Variants in VPS45 observed in about 807,000 individuals in gnomAD.
VPS45 encodes vacuolar protein sorting-associated protein 45.
In VPS45, 35 loss-of-function variants were observed where a neutral mutation model predicts 75.9. The observed-to-expected ratio is 0.46, with a 90% CI of 0.35 to 0.61. VPS45 has a LOEUF of 0.61. VPS45 is among the 20% of genes least tolerant of loss of function. VPS45 has a pLI of 0.00. For synonymous variants in VPS45, 220 were observed against 238.2 expected, an observed-to-expected ratio of 0.92 and a Z score of 0.70; for missense variants, 559 against 685.9, an observed-to-expected ratio of 0.81 and a Z score of 2.07.
chr1:150,138,023 TTC>T (rs782270332), intron 14 of VPS45, among the ~76,000 whole-genome samples: 1 of 152,128 alleles, frequency 6.6e-6, no homozygotes, highest in Non-Finnish European at 1.5e-5. Context: ...CATTTCTGTG[TTC>T]TCTTTCATGG....
At chr1:150,124,505 C>G (rs1658400945) in intron 14 of VPS45, among the ~76,000 whole-genome samples, 1 of 150,962 alleles carries the variant, frequency 6.6e-6, no homozygotes, top group Non-Finnish European at 1.5e-5. Flanking sequence ...CATAATACCA[C>G]AGCTCAGAGC....
intron 13 of VPS45, chr1:150,109,727 TTTG>T (rs1553806824): frequency 6.6e-6 from 1 of 152,198 alleles, no homozygotes; most frequent in East Asian, 1.9e-4. Context: ...AACATTCACT[TTTG>T]TTATGAAGCC....
At chr1:150,077,352 C>T (rs1461597445) in intron 6 of VPS45, 121 bp downstream of exon 6, 18 of 1,239,060 alleles carry the variant, frequency 1.5e-5, no homozygotes, top group African/African-American at 4.6e-5. Flanking sequence ...TAGGTTTCCG[C>T]GAAAAGAGGT....
chr1:150,072,174 G>T lies in VPS45; in HGVS notation c.237G>T (p.Val79=). Residue 79 remains valine (V), a synonymous_variant, in exon 3 of 15, where the codon GTG becomes GTT. Transcript: ENST00000644510. ...ICFLRPTKEN[V]DYIIQELRRP... is the part of the protein sequence containing the mutation. ...TGTTCTTCATTTTCTAGGAGAATGT[G>T]GATTATATTATTCAGGAGCTCCGAA... is the stretch of plus-strand genomic sequence containing the variant. 1.2e-6 allele frequency: 2 copies of T among 1,605,610 alleles called. No individual in the cohort carries two copies. Among genetic ancestry groups the T allele is most frequent in the South Asian group, 1.1e-5 (1 of 89,840 alleles).
chr1:150,111,610 C>A (rs1657654703), intron 14 of VPS45, among the ~76,000 whole-genome samples: 1 of 152,002 alleles, frequency 6.6e-6, no homozygotes, highest in Admixed American at 6.6e-5. Flanking sequence ...AGATTGGGGA[C>A]CCTGAGAGAT....
intron 14 of VPS45, chr1:150,142,838 A>G (rs1553815614): frequency 2.2e-6 from 1 of 450,700 alleles, no homozygotes; most frequent in South Asian, 1.6e-5. Flanking sequence ...TTTTTTATAG[A>G]GATGGGGTTT....
chr1:150,071,512 C>A (rs1262696503), intron 2 of VPS45, among the ~76,000 whole-genome samples: 1 of 152,116 alleles, frequency 6.6e-6, no homozygotes, highest in Non-Finnish European at 1.5e-5. Context: ...TCAGGCCAGG[C>A]GCAGTGGCTC....
chr1:150,073,633 C>A lies in VPS45; in HGVS notation c.289+1407C>A, dbSNP rs587624710. 2.6e-5 allele frequency among the ~76,000 whole-genome samples: 4 copies of A among 151,890 alleles called. No individual in the cohort carries two copies. The East Asian group carries it at 7.7e-4, about 29-fold the overall frequency. ...TTCTATTTTGAAGTAATTGTAGATT[C>A]ATGTGCAGTTAAAAAAAAAACAACG... On this transcript the variant is annotated intron_variant, in intron 3 of 14. Coordinates refer to ENST00000644510, the MANE Select transcript of VPS45 (RefSeq NM_007259.5).
intron 14 of VPS45, among the ~76,000 whole-genome samples, chr1:150,137,652 C>T (rs797031938): frequency 3.3e-5 from 5 of 152,308 alleles, no homozygotes; most frequent in African/African-American, 7.2e-5. Flanking sequence ...CAGTGGCTCA[C>T]GCCTGTAATC....
intron 13 of VPS45, among the ~76,000 whole-genome samples, chr1:150,106,841 A>C (rs963172693): frequency 6.6e-6 from 1 of 152,158 alleles, no homozygotes; most frequent in Non-Finnish European, 1.5e-5. Context: ...TCTGTTTCTC[A>C]ATTCTTCAAT....
intron 14 of VPS45, among the ~76,000 whole-genome samples, chr1:150,133,871 C>G (rs1234039686): frequency 2.6e-5 from 4 of 152,176 alleles, no homozygotes; most frequent in African/African-American, 4.8e-5. Context: ...GCATGACATT[C>G]CAGTGAATGA....
At chr1:150,098,868 A>G in intron 13 of VPS45, 1 of 1,276,814 alleles carries the variant, frequency 7.8e-7, no homozygotes, top group Admixed American at 2.5e-5. Flanking sequence ...CTTGTCTCTG[A>G]TAAAGGCAAG....
intron 14 of VPS45, among the ~76,000 whole-genome samples, chr1:150,140,498 T>A (rs1659340732): frequency 6.6e-6 from 1 of 151,896 alleles, no homozygotes; most frequent in African/African-American, 2.4e-5. Flanking sequence ...ACACCATTAT[T>A]ATTGTATTAT....
intron 11 of VPS45, 57 bp from the exon 12 acceptor site, chr1:150,092,245 T>C (rs1656362401): frequency 6.4e-7 from 1 of 1,558,704 alleles, no homozygotes; most frequent in Non-Finnish European, 8.7e-7. Flanking sequence ...ATTATTTTCT[T>C]ATGAAATGGG....
chr1:150,079,393 A>G (rs1655571727), intron 7 of VPS45, among the ~76,000 whole-genome samples: 1 of 152,028 alleles, frequency 6.6e-6, no homozygotes, highest in Non-Finnish European at 1.5e-5. Flanking sequence ...CGGGTGCTCT[A>G]TTAATAGTGA....
At chr1:150,069,489 C>T (rs1553796550) in intron 2 of VPS45, among the ~76,000 whole-genome samples, 2 of 135,498 alleles carry the variant, frequency 1.5e-5, no homozygotes, top group African/African-American at 5.7e-5. Flanking sequence ...TGGAGTCTCG[C>T]TCTGTCGCCC....
intron 14 of VPS45, among the ~76,000 whole-genome samples, chr1:150,133,839 G>A (rs1477280783): frequency 6.6e-6 from 1 of 152,110 alleles, no homozygotes; most frequent in Non-Finnish European, 1.5e-5. Context: ...GGACGATGAG[G>A]GTAATTTTTT....
intron 12 of VPS45, among the ~76,000 whole-genome samples, chr1:150,093,140 C>T (rs1553802369): frequency 6.6e-6 from 1 of 152,118 alleles, no homozygotes; most frequent in Non-Finnish European, 1.5e-5. Context: ...GCCACCGCGC[C>T]CGGCAGCCTT....
intron 14 of VPS45, among the ~76,000 whole-genome samples, chr1:150,125,021 G>C (rs1553810422): frequency 1.3e-5 from 2 of 151,426 alleles, no homozygotes; most frequent in Non-Finnish European, 1.5e-5. Context: ...TTATTTTTAA[G>C]GATGGGTCTT....
Sources: allele counts gnomAD v4.1 joint callset (sites outside exome capture counted in the v4.1 genomes callset), GRCh38; gene constraint gnomAD v4.1.1; transcripts MANE v1.5; gene names NCBI Gene and HGNC (gene_info 2026-07-23, HGNC 2026-07-21).